The following FCHSD2 variants were observed in gnomAD, a reference collection of about 807,000 sequenced individuals.
FCHSD2 encodes F-BAR and double SH3 domains protein 2.
In FCHSD2, 38 loss-of-function variants were observed where a neutral mutation model predicts 108.1. The ratio of observed to expected loss-of-function variants is 0.35; its 90% confidence interval spans 0.27 to 0.46. The LOEUF is 0.46. FCHSD2 is among the 20% of genes least tolerant of loss of function. The pLI is 1.00. For missense variants in FCHSD2, 751 were observed against 897.8 expected, an observed-to-expected ratio of 0.84 and a Z score of 2.09; for synonymous variants, 279 against 314.7, an observed-to-expected ratio of 0.89 and a Z score of 1.20.
chr11:72,861,662 GCTCATGC>G (rs1010967467), intron 13 of FCHSD2, among the ~76,000 whole-genome samples: 1 of 152,194 alleles, frequency 6.6e-6, no homozygotes, highest in Non-Finnish European at 1.5e-5. Context: ...GGGCGCGCTG[GCTCATGC>G]CTGTAATCCC....
intron 8 of FCHSD2, among the ~76,000 whole-genome samples, chr11:72,948,451 T>C (rs938884678): frequency 1.3e-5 from 2 of 152,228 alleles, no homozygotes; most frequent in Non-Finnish European, 2.9e-5. Flanking sequence ...AATATCATAA[T>C]AGATATTTAT....
At chr11:72,901,525 G>A (rs942254625) in intron 10 of FCHSD2, among the ~76,000 whole-genome samples, 2 of 152,140 alleles carry the variant, frequency 1.3e-5, no homozygotes, top group Non-Finnish European at 2.9e-5. Context: ...GAGAGTGACT[G>A]CTTAATGGGG....
chr11:72,964,609 TATC>T (rs779193207), intron 8 of FCHSD2, among the ~76,000 whole-genome samples: 1 of 152,142 alleles, frequency 6.6e-6, no homozygotes, highest in Non-Finnish European at 1.5e-5. Context: ...TGTTAACTTC[TATC>T]ATCATCATCA....
At chr11:73,045,797 T>C (rs1219590207) in intron 3 of FCHSD2, among the ~76,000 whole-genome samples, 4 of 151,750 alleles carry the variant, frequency 2.6e-5, no homozygotes, top group South Asian at 2.1e-4. Flanking sequence ...AGGGATAGCA[T>C]TGGGAGATAT....
intron 3 of FCHSD2, among the ~76,000 whole-genome samples, chr11:73,052,675 T>C (rs1223921210): frequency 3.9e-5 from 6 of 152,180 alleles, no homozygotes; most frequent in South Asian, 2.1e-4. Flanking sequence ...AAGGTGTGAA[T>C]TGGACAATTG....
At chr11:73,109,322 C>T (rs1165255676) in intron 2 of FCHSD2, among the ~76,000 whole-genome samples, 1 of 152,164 alleles carries the variant, frequency 6.6e-6, no homozygotes, top group Non-Finnish European at 1.5e-5. Context: ...AAACTATGGA[C>T]ATTTTAACAA....
intron 12 of FCHSD2, among the ~76,000 whole-genome samples, chr11:72,882,826 C>A (rs920981932): frequency 6.6e-6 from 1 of 152,110 alleles, no homozygotes; most frequent in East Asian, 1.9e-4. Context: ...TCAAAATGCC[C>A]GCAGTCTTTT....
At chr11:73,087,017 T>A (rs567707252) in intron 2 of FCHSD2, among the ~76,000 whole-genome samples, 1 of 152,302 alleles carries the variant, frequency 6.6e-6, no homozygotes, top group African/African-American at 2.4e-5. Flanking sequence ...TAAAACAGCC[T>A]CAGGCAGTTC....
chr11:72,855,401 G>A (rs190911109), intron 13 of FCHSD2, among the ~76,000 whole-genome samples: 153 of 152,264 alleles, frequency 1.0e-3, no homozygotes, highest in African/African-American at 2.9e-3. Flanking sequence ...ACTTGAACCC[G>A]GGAGGCGGAG....
At chr11:73,139,603 TG>T (rs1446443877) in intron 2 of FCHSD2, among the ~76,000 whole-genome samples, 1 of 152,236 alleles carries the variant, frequency 6.6e-6, no homozygotes, top group Non-Finnish European at 1.5e-5. Context: ...GTATTTGTCA[TG>T]TTCTAACCCA....
intron 13 of FCHSD2, among the ~76,000 whole-genome samples, chr11:72,850,264 C>T (rs539782166): frequency 1.3e-5 from 2 of 151,362 alleles, no homozygotes; most frequent in African/African-American, 4.9e-5. Context: ...GGGGTTTCAC[C>T]ATGTTGGCCA....
At chr11:73,083,905 C>T (rs1859755456) in intron 2 of FCHSD2, among the ~76,000 whole-genome samples, 165 bp from the exon 3 acceptor site, 1 of 152,184 alleles carries the variant, frequency 6.6e-6, no homozygotes, top group African/African-American at 2.4e-5. Flanking sequence ...CTGGTCTCTA[C>T]AGTCAGAGGA....
At position 73,142,060 on chromosome 11, in the gene FCHSD2, CGA is replaced by C. The variant is rs1363989732; in HGVS notation, c.-185_-184del. ...CGGCAGGCGGACCCCAGCCAGAGAG[CGA>C]GTGTGAGGAGACGAGGGAGGAGCAC... On this transcript the variant is annotated 5_prime_UTR_variant, in exon 1 of 20. Transcript: ENST00000409418. The C allele has an allele frequency of 1.7e-6, 1 of 580,098 alleles. No homozygotes were observed. The highest frequency in any genetic ancestry group is 3.0e-6 in the Non-Finnish European group (1 of 333,114). 35.9% of individuals were successfully genotyped at this position (580,098 alleles called of 1,614,324 possible). A position where few individuals can be genotyped will look rare whatever the true frequency, so the allele number is the denominator to read the frequency against.
chr11:73,058,968 T>C (rs1287223647), intron 3 of FCHSD2, among the ~76,000 whole-genome samples: 2 of 152,212 alleles, frequency 1.3e-5, no homozygotes, highest in Non-Finnish European at 2.9e-5. Context: ...CTTACATTGA[T>C]AGGCTAGCCT....
chr11:73,075,200 T>C (rs1859521227), intron 3 of FCHSD2, among the ~76,000 whole-genome samples: 1 of 152,212 alleles, frequency 6.6e-6, no homozygotes, highest in Non-Finnish European at 1.5e-5. Context: ...CATTCACTGC[T>C]CACAGGATTG....
chr11:72,841,676 C>T, intron 17 of FCHSD2, 93 bp from the exon 18 acceptor site: 1 of 1,309,760 alleles, frequency 7.6e-7, no homozygotes. Flanking sequence ...TGCCTTTTCT[C>T]TAAAGCTAAG....
At chr11:72,893,468 T>C (rs971983635) in intron 10 of FCHSD2, among the ~76,000 whole-genome samples, 5 of 152,130 alleles carry the variant, frequency 3.3e-5, no homozygotes, top group East Asian at 3.9e-4. Flanking sequence ...GCATATGCCA[T>C]CACACGCAGA....
chr11:73,124,397 C>T (rs1308810402), intron 2 of FCHSD2, among the ~76,000 whole-genome samples: 1 of 151,756 alleles, frequency 6.6e-6, no homozygotes, highest in Non-Finnish European at 1.5e-5. Flanking sequence ...TACCCTAGAA[C>T]TTAAAGTATA....
intron 8 of FCHSD2, among the ~76,000 whole-genome samples, chr11:72,972,144 C>A (rs936720200): frequency 2.6e-5 from 4 of 152,092 alleles, no homozygotes; most frequent in Admixed American, 6.5e-5. Context: ...TTTATGTATT[C>A]TCTGCTTCAG....
Sources: gnomAD v4.1 joint callset for allele counts (sites outside exome capture counted in the v4.1 genomes callset) on GRCh38, gnomAD v4.1.1 for gene constraint, MANE v1.5 for transcripts, NCBI Gene and HGNC (gene_info 2026-07-23, HGNC 2026-07-21) for gene names.